CNTN5: variants seen among roughly 807,000 people sequenced by gnomAD.
CNTN5 encodes contactin 5, also known as contactin-5.
A neutral mutation model predicts 129.1 loss-of-function variants in CNTN5; 77 were observed. That is an observed-to-expected ratio of 0.60 (90% CI 0.50 to 0.72). The LOEUF is 0.72. Ranked by LOEUF, CNTN5 falls within the 30% of genes least tolerant of loss-of-function variation. CNTN5 has a pLI of 0.00. For synonymous variants in CNTN5, 509 were observed against 465.6 expected (o/e 1.09, Z -1.20); for missense variants, 1,478 against 1,328.8 (o/e 1.11, Z -1.75).
At chr11:100,270,899 C>T (rs1950395766) in intron 17 of CNTN5, among the ~76,000 whole-genome samples, 193 bp from the exon 18 acceptor site, 1 of 152,178 alleles carries the variant, frequency 6.6e-6, no homozygotes. Flanking sequence ...CAAACTTTGA[C>T]ATATGTAAGT....
chr11:99,500,634 T>C (rs1946390984), intron 2 of CNTN5, among the ~76,000 whole-genome samples: 1 of 152,150 alleles, frequency 6.6e-6, no homozygotes, highest in Non-Finnish European at 1.5e-5. Flanking sequence ...ATGCATAGCA[T>C]TATTTTTTCA....
In CNTN5 at chr11:99,583,054, C is replaced by T. The variant is rs1949667085; in HGVS notation, c.55+26785C>T. Among the ~76,000 whole-genome samples, 9 of 152,248 alleles carry T rather than the reference C, an allele frequency of 5.9e-5. No homozygotes were observed. In the South Asian group the frequency reaches 1.7e-3, roughly 28 times the overall value. ...TTTTCCTTCTAACAGTCAGGACTCT[C>T]AGCTTCAGGTCTGTTGGAGTTTACT... On this transcript the variant is annotated intron_variant, in intron 3 of 24. Transcript: ENST00000524871.
intron 2 of CNTN5, among the ~76,000 whole-genome samples, chr11:99,521,371 T>G (rs1440228921): frequency 6.6e-6 from 1 of 152,188 alleles, no homozygotes; most frequent in Non-Finnish European, 1.5e-5. Flanking sequence ...TTACCTCTCA[T>G]GCCTAAATCA....
At chr11:99,996,280 C>T (rs1939439428) in intron 8 of CNTN5, among the ~76,000 whole-genome samples, 1 of 152,030 alleles carries the variant, frequency 6.6e-6, no homozygotes, top group Non-Finnish European at 1.5e-5. Context: ...GAAGTAATGT[C>T]ATTGATTTAT....
At chr11:99,126,846 T>A (rs17133100) in intron 1 of CNTN5, among the ~76,000 whole-genome samples, 1 of 152,162 alleles carries the variant, frequency 6.6e-6, no homozygotes, top group Non-Finnish European at 1.5e-5. Context: ...TATCTTCCAC[T>A]GGATGTCAGT....
At chr11:99,719,203 C>T (rs1368905353) in intron 3 of CNTN5, among the ~76,000 whole-genome samples, 2 of 151,904 alleles carry the variant, frequency 1.3e-5, no homozygotes, top group Non-Finnish European at 2.9e-5. Flanking sequence ...CTTCTAGTCC[C>T]AGCTACTCAG....
At chr11:99,729,420 A>G (rs1338535629) in intron 3 of CNTN5, among the ~76,000 whole-genome samples, 2 of 152,090 alleles carry the variant, frequency 1.3e-5, no homozygotes, top group Non-Finnish European at 2.9e-5. Context: ...CTAGTACCCA[A>G]TAGTTATTTT....
At chr11:99,434,114 G>T (rs193127252) in intron 2 of CNTN5, among the ~76,000 whole-genome samples, 47 of 151,914 alleles carry the variant, frequency 3.1e-4, no homozygotes, top group African/African-American at 1.1e-3. Context: ...AAAAACAGGT[G>T]GTCTAATTTG....
intron 2 of CNTN5, among the ~76,000 whole-genome samples, chr11:99,530,168 C>T (rs1360742103): frequency 1.3e-5 from 2 of 152,110 alleles, no homozygotes; most frequent in Non-Finnish European, 2.9e-5. Context: ...CTAAAGAAGA[C>T]ACTCAGTATG....
At chr11:100,285,607 A>G (rs1950764215) in intron 18 of CNTN5, among the ~76,000 whole-genome samples, 1 of 152,230 alleles carries the variant, frequency 6.6e-6, no homozygotes, top group Admixed American at 6.5e-5. Flanking sequence ...ATGAAAGACT[A>G]TGCTAACACA....
intron 3 of CNTN5, among the ~76,000 whole-genome samples, chr11:99,733,444 T>G (rs1943602274): frequency 6.6e-6 from 1 of 151,154 alleles, no homozygotes; most frequent in South Asian, 2.1e-4. Context: ...AGAACATGGT[T>G]TGGAAGCTAG....
intron 3 of CNTN5, among the ~76,000 whole-genome samples, chr11:99,756,101 T>A (rs1944395835): frequency 6.6e-6 from 1 of 152,146 alleles, no homozygotes; most frequent in Non-Finnish European, 1.5e-5. Flanking sequence ...CATTATTTTT[T>A]CAGGTTGTCT....
chr11:99,425,992 A>G (rs924665208), intron 2 of CNTN5, among the ~76,000 whole-genome samples: 6 of 152,252 alleles, frequency 3.9e-5, no homozygotes, highest in Admixed American at 1.3e-4. Context: ...ACATAATTAT[A>G]ATTACTACTG....
chr11:99,163,618 C>T (rs1860727081), intron 1 of CNTN5, among the ~76,000 whole-genome samples: 1 of 151,850 alleles, frequency 6.6e-6, no homozygotes, highest in South Asian at 2.1e-4. Flanking sequence ...TTATTTATTT[C>T]TAATTTGATG....
intron 3 of CNTN5, among the ~76,000 whole-genome samples, chr11:99,725,462 G>A (rs1162645586): frequency 6.6e-6 from 1 of 151,504 alleles, no homozygotes; most frequent in East Asian, 1.9e-4. Context: ...TATATGCATT[G>A]TAGGCAAAGT....
chr11:99,158,146 C>T (rs1246171391), intron 1 of CNTN5, among the ~76,000 whole-genome samples: 1 of 152,096 alleles, frequency 6.6e-6, no homozygotes, highest in Non-Finnish European at 1.5e-5. Context: ...ACTCACCTGT[C>T]CACCTCACCT....
chr11:99,790,310 G>A (rs774698632), intron 3 of CNTN5, among the ~76,000 whole-genome samples: 10 of 151,842 alleles, frequency 6.6e-5, no homozygotes, highest in Non-Finnish European at 1.3e-4. Flanking sequence ...GGTAATTTTT[G>A]ATCCTCACCC....
rs534769431 is a variant in CNTN5 at position 99,035,076 on chromosome 11, G to A, written c.-210+13806G>A. 1.3e-3 allele frequency among the ~76,000 whole-genome samples: 190 copies of A among 150,140 alleles called. 1 individual carries two copies. Among genetic ancestry groups the A allele is most frequent in the African/African-American group, 4.5e-3 (184 of 40,842 alleles). On this transcript the variant is annotated intron_variant, in intron 1 of 24. Transcript: ENST00000524871. ...TTGTTCAGTTTCCATGTAGTTGAGC[G>A]GTTTTGAGTGAGATTCTTAATCCTG... is the stretch of plus-strand genomic sequence containing the variant.
At chr11:99,689,530 GAAAA>G (rs368912453) in intron 3 of CNTN5, among the ~76,000 whole-genome samples, 3 of 92,900 alleles carry the variant, frequency 3.2e-5, no homozygotes, top group South Asian at 4.7e-4. Flanking sequence ...CCTCAAAAAA[GAAAA>G]AAAAAAAAAA....
Sources: allele counts gnomAD v4.1 joint callset (sites outside exome capture counted in the v4.1 genomes callset), GRCh38; gene constraint gnomAD v4.1.1; transcripts MANE v1.5; gene names NCBI Gene and HGNC (gene_info 2026-07-23, HGNC 2026-07-21).